Variants in SPMIP5 observed in about 807,000 individuals in gnomAD.
The protein encoded by SPMIP5 is sperm-associated microtubule inner protein 5.
the SPMIP5 span, chr10:116,663,723 C>T: frequency 6.2e-5 from 40 of 640,028 alleles, no homozygotes; most frequent in Non-Finnish European, 9.5e-5. Flanking sequence ...TTTATTCCCA[C>T]ATGACAAAAA....
the SPMIP5 span, chr10:116,665,228 C>T: frequency 1.4e-6 from 1 of 711,144 alleles, no homozygotes; most frequent in Non-Finnish European, 1.9e-6. Flanking sequence ...GAAACCCCGT[C>T]TCTACTAAAA....
chr10:116,669,039 G>C, the SPMIP5 span, among the ~76,000 whole-genome samples: 2 of 151,644 alleles, frequency 1.3e-5, no homozygotes, highest in Non-Finnish European at 2.9e-5. Flanking sequence ...GGAGTCCAAG[G>C]AGGGTAAGCA....
chr10:116,664,916 C>T, the SPMIP5 span: 1 of 1,613,806 alleles, frequency 6.2e-7, no homozygotes, highest in Non-Finnish European at 8.5e-7. Context: ...GGATCGGGGG[C>T]TCCTGGAGAG....
At chr10:116,668,905 G>T in the SPMIP5 span, among the ~76,000 whole-genome samples, 1 of 141,032 alleles carries the variant, frequency 7.1e-6, no homozygotes, top group Non-Finnish European at 1.5e-5. Flanking sequence ...ATGCTCAGAA[G>T]CCTCCCCCCA....
At chr10:116,665,400 G>A in the SPMIP5 span, 1,270 of 464,036 alleles carry the variant, frequency 2.7e-3, 3 homozygotes, top group Middle Eastern at 8.8e-3. Context: ...GTGAGACTCC[G>A]TCTCAAAAAA....
chr10:116,666,455 A>AT, the SPMIP5 span, among the ~76,000 whole-genome samples: 7,143 of 148,718 alleles, frequency 0.048, 193 homozygotes, highest in South Asian at 0.094. Flanking sequence ...CAATAAAACC[A>AT]TTTTTTTTTT....
the SPMIP5 span, chr10:116,664,795 T>C: frequency 1.5e-4 from 236 of 1,613,998 alleles, no homozygotes; most frequent in Non-Finnish European, 1.8e-4. Flanking sequence ...TTCTTGGCCC[T>C]CTCCGTGATC....
the SPMIP5 span, chr10:116,664,580 G>A: frequency 8.2e-7 from 1 of 1,225,812 alleles, no homozygotes; most frequent in Non-Finnish European, 1.1e-6. Context: ...GCACAGGTTG[G>A]GAGCAGAGGG....
At chr10:116,668,312 T>C in the SPMIP5 span, 1 of 1,612,274 alleles carries the variant, frequency 6.2e-7, no homozygotes, top group Non-Finnish European at 8.5e-7. Flanking sequence ...GAAGGCTCCA[T>C]GATTTCGCTC....
the SPMIP5 span, chr10:116,665,529 T>C: frequency 6.0e-6 from 8 of 1,340,288 alleles, no homozygotes; most frequent in African/African-American, 1.4e-5. Context: ...TTCTGGGTGC[T>C]ATGGGGCAGC....
At chr10:116,664,911 G>C in the SPMIP5 span, 1 of 1,613,888 alleles carries the variant, frequency 6.2e-7, no homozygotes, top group South Asian at 1.1e-5. Flanking sequence ...GCCAGGGATC[G>C]GGGGCTCCTG....
the SPMIP5 span, chr10:116,664,971 G>C: frequency 6.3e-7 from 1 of 1,590,340 alleles, no homozygotes; most frequent in Non-Finnish European, 8.5e-7. Flanking sequence ...CCATGGCACA[G>C]AGAAAGCAAC....
chr10:116,663,844 A>G, the SPMIP5 span: 2 of 1,462,506 alleles, frequency 1.4e-6, no homozygotes, highest in African/African-American at 1.4e-5. Context: ...TGATTCCAAC[A>G]TGAGAATGGC....
chr10:116,663,767 A>C, the SPMIP5 span: 1 of 957,126 alleles, frequency 1.0e-6, no homozygotes, highest in Non-Finnish European at 1.5e-6. Context: ...GCAACCGTCA[A>C]CCACTCAGGA....
chr10:116,664,869 G>C, the SPMIP5 span: 2 of 1,614,094 alleles, frequency 1.2e-6, no homozygotes, highest in Admixed American at 1.7e-5. Context: ...GCCAAATTCA[G>C]TGACCTTGGC....
At chr10:116,664,162 A>G in the SPMIP5 span, 6 of 1,614,028 alleles carry the variant, frequency 3.7e-6, no homozygotes, top group Non-Finnish European at 5.1e-6. Flanking sequence ...GGAAAGAGAC[A>G]TTTCTCCTCA....
At chr10:116,664,412 A>G in the SPMIP5 span, 3 of 829,250 alleles carry the variant, frequency 3.6e-6, no homozygotes, top group Non-Finnish European at 5.3e-6. Flanking sequence ...TTCTAAAGGT[A>G]AAGATCACCC....
chr10:116,663,521 C>T, the SPMIP5 span, among the ~76,000 whole-genome samples: 1 of 152,048 alleles, frequency 6.6e-6, no homozygotes. Context: ...CTGGGGTGGG[C>T]GTGGTGTCTG....
chr10:116,665,151 C>T, the SPMIP5 span: 3 of 1,309,764 alleles, frequency 2.3e-6, no homozygotes, highest in Non-Finnish European at 2.9e-6. Context: ...AATCCCAGCA[C>T]TTTGGGAGGC....
Sources: gnomAD v4.1 joint callset for allele counts (sites outside exome capture counted in the v4.1 genomes callset) on GRCh38, gnomAD v4.1.1 for gene constraint, MANE v1.5 for transcripts, NCBI Gene and HGNC (gene_info 2026-07-23, HGNC 2026-07-21) for gene names.